The following GRID1 variants were observed in gnomAD, a reference collection of about 807,000 sequenced individuals.
The protein encoded by GRID1 is glutamate ionotropic receptor delta type subunit 1, also known as glutamate receptor ionotropic, delta-1.
GRID1 carries 28 observed loss-of-function variants against 98.0 expected under a neutral mutation model. That is an observed-to-expected ratio of 0.29 (90% CI 0.21 to 0.39). The LOEUF is 0.39. Among genes scored for constraint, GRID1 ranks in the 10% least tolerant of loss-of-function variants. GRID1 has a pLI of 1.00. For missense variants in GRID1, 1,111 were observed against 1,340.5 expected (o/e 0.83, Z 2.67); for synonymous variants, 553 against 538.5 (o/e 1.03, Z -0.37).
At chr10:86,351,016 T>C (rs1180938467) in intron 2 of GRID1, among the ~76,000 whole-genome samples, 10 of 152,162 alleles carry the variant, frequency 6.6e-5, no homozygotes, top group Non-Finnish European at 1.3e-4. Context: ...TGTGTTTAGC[T>C]CCCACATGAG....
intron 6 of GRID1, among the ~76,000 whole-genome samples, chr10:85,866,918 G>C (rs923824412): frequency 3.6e-4 from 54 of 152,112 alleles, no homozygotes; most frequent in African/African-American, 1.2e-3. Flanking sequence ...GTCTCAGCAG[G>C]AACAGAGGGA....
intron 2 of GRID1, among the ~76,000 whole-genome samples, chr10:86,273,306 C>A (rs377637983): frequency 8.9e-5 from 12 of 135,374 alleles, no homozygotes; most frequent in East Asian, 6.0e-4. Context: ...TTAATCCAGT[C>A]TATCATTGTT....
chr10:85,876,551 G>A (rs1161035367), intron 5 of GRID1, among the ~76,000 whole-genome samples: 1 of 152,114 alleles, frequency 6.6e-6, no homozygotes, highest in Non-Finnish European at 1.5e-5. Flanking sequence ...CAGGTTCTAG[G>A]ATTAGGCCTT....
chr10:86,145,383 C>A (rs539872185), intron 3 of GRID1, among the ~76,000 whole-genome samples: 187 of 152,228 alleles, frequency 1.2e-3, no homozygotes, highest in African/African-American at 4.1e-3. Flanking sequence ...CCACCACGCC[C>A]GGCTCATTTT....
intron 4 of GRID1, among the ~76,000 whole-genome samples, chr10:86,065,988 T>C (rs1379737036): frequency 6.6e-6 from 1 of 152,218 alleles, no homozygotes; most frequent in Non-Finnish European, 1.5e-5. Context: ...CTGACATTAT[T>C]TTAAATTCTT....
At chr10:86,031,986 C>T (rs548313214) in intron 4 of GRID1, among the ~76,000 whole-genome samples, 1 of 152,312 alleles carries the variant, frequency 6.6e-6, no homozygotes, top group Admixed American at 6.5e-5. Flanking sequence ...GAGGGGCCTT[C>T]TCTCCCCTCC....
chr10:86,049,855 T>C (rs1589351484), intron 4 of GRID1, among the ~76,000 whole-genome samples: 1 of 152,334 alleles, frequency 6.6e-6, no homozygotes, highest in Middle Eastern at 3.4e-3. Flanking sequence ...CAGCAAGCTA[T>C]TGTCAGTGTT....
At chr10:86,125,486 G>A (rs1413587263) in intron 4 of GRID1, among the ~76,000 whole-genome samples, 1 of 152,158 alleles carries the variant, frequency 6.6e-6, no homozygotes, top group Admixed American at 6.5e-5. Flanking sequence ...GACCAAAAGT[G>A]CCTGTAATGG....
chr10:85,666,484 C>T (rs1465398763), intron 12 of GRID1, among the ~76,000 whole-genome samples: 1 of 152,144 alleles, frequency 6.6e-6, no homozygotes, highest in Non-Finnish European at 1.5e-5. Flanking sequence ...GATGCCTCTC[C>T]CCAGCGGGGG....
intron 5 of GRID1, among the ~76,000 whole-genome samples, chr10:85,911,414 G>A (rs748642533): frequency 5.3e-5 from 8 of 152,128 alleles, no homozygotes; most frequent in South Asian, 2.1e-4. Flanking sequence ...TGGAATGGAC[G>A]TGAGATGTGG....
intron 13 of GRID1, among the ~76,000 whole-genome samples, chr10:85,635,136 G>A (rs1249926505): frequency 6.6e-6 from 1 of 150,862 alleles, no homozygotes; most frequent in Non-Finnish European, 1.5e-5. Context: ...TGATTCCAGA[G>A]CTTACTCTAT....
At chr10:86,278,159 G>A (rs897410449) in intron 2 of GRID1, among the ~76,000 whole-genome samples, 4 of 152,068 alleles carry the variant, frequency 2.6e-5, no homozygotes, top group Non-Finnish European at 5.9e-5. Context: ...CAAGGTAAAT[G>A]ACTCATTTTA....
chr10:85,716,689 A>T (rs185486615), intron 12 of GRID1, among the ~76,000 whole-genome samples: 1 of 148,330 alleles, frequency 6.7e-6, no homozygotes, highest in East Asian at 1.9e-4. Context: ...TGTATATATT[A>T]TATATACATA....
intron 12 of GRID1, among the ~76,000 whole-genome samples, chr10:85,696,342 T>C (rs1841393349): frequency 6.6e-6 from 1 of 151,584 alleles, no homozygotes; most frequent in African/African-American, 2.4e-5. Context: ...TTAAGGTGTA[T>C]CTAGGAAGGC....
chr10:85,870,779 G>A (rs1843270945), intron 5 of GRID1, among the ~76,000 whole-genome samples: 1 of 152,140 alleles, frequency 6.6e-6, no homozygotes, highest in Non-Finnish European at 1.5e-5. Flanking sequence ...AATGCTTGTG[G>A]GGCAGAAGGA....
chr10:85,858,441 C>T (rs928905480), intron 6 of GRID1, among the ~76,000 whole-genome samples: 1 of 152,132 alleles, frequency 6.6e-6, no homozygotes, highest in African/African-American at 2.4e-5. Context: ...ACTGTGCCCT[C>T]AGCCACTTGA....
chr10:85,806,517 T>C (rs1370071679), intron 8 of GRID1, among the ~76,000 whole-genome samples: 1 of 152,090 alleles, frequency 6.6e-6, no homozygotes, highest in Non-Finnish European at 1.5e-5. Context: ...GTGAATGTTC[T>C]CAGAAGCTGG....
rs189820280 is a variant in GRID1 at position 85,975,897 on chromosome 10, A to G, written c.727-59658T>C. Among the ~76,000 whole-genome samples, 64 of 152,316 alleles carry G rather than the reference A, an allele frequency of 4.2e-4. 1 individual carries two copies. The highest frequency in any genetic ancestry group is 2.4e-3 in the Admixed American group (37 of 15,304). ...CTACATGAAAAATATTAACATATTT[A>G]TGTGGTTTTTCCTTATTATTCTTCC... On this transcript the variant is annotated intron_variant, in intron 4 of 15. Coordinates refer to ENST00000327946, the MANE Select transcript of GRID1 (RefSeq NM_017551.3).
intron 3 of GRID1, among the ~76,000 whole-genome samples, chr10:86,187,237 G>A (rs1168373341): frequency 6.6e-6 from 1 of 152,116 alleles, no homozygotes; most frequent in Non-Finnish European, 1.5e-5. Flanking sequence ...TGGTAAAATT[G>A]GGTTGATAAT....
Sources: gnomAD v4.1 joint callset for allele counts (sites outside exome capture counted in the v4.1 genomes callset) on GRCh38, gnomAD v4.1.1 for gene constraint, MANE v1.5 for transcripts, NCBI Gene and HGNC (gene_info 2026-07-23, HGNC 2026-07-21) for gene names.